Variants in MACROD2 observed in about 807,000 individuals in gnomAD.
MACROD2 encodes the protein ADP-ribose glycohydrolase MACROD2.
Under a neutral mutation model 70.4 loss-of-function variants are expected in MACROD2, and 36 were observed. The observed-to-expected ratio is 0.51, with a 90% CI of 0.39 to 0.68. The LOEUF (loss-of-function observed/expected upper bound fraction) is 0.68. Ranked by LOEUF, MACROD2 falls within the 30% of genes least tolerant of loss-of-function variation. MACROD2 has a pLI of 0.00. For missense variants in MACROD2, 496 were observed against 538.4 expected (o/e 0.92, Z 0.78); for synonymous variants, 172 against 178.8 (o/e 0.96, Z 0.30).
At chr20:14,015,026 G>A (rs1436533726) in intron 2 of MACROD2, among the ~76,000 whole-genome samples, 5 of 144,918 alleles carry the variant, frequency 3.5e-5, no homozygotes, top group African/African-American at 5.2e-5. Flanking sequence ...GGCTAGTCTC[G>A]AACTCCTGGG....
intron 3 of MACROD2, among the ~76,000 whole-genome samples, chr20:14,364,504 G>A (rs2083254163): frequency 6.6e-6 from 1 of 152,260 alleles, no homozygotes; most frequent in African/African-American, 2.4e-5. Flanking sequence ...AGCTAAGGAT[G>A]TATTCACAGT....
intron 6 of MACROD2, among the ~76,000 whole-genome samples, chr20:15,238,520 C>G (rs2077033883): frequency 6.6e-6 from 1 of 151,868 alleles, no homozygotes; most frequent in Non-Finnish European, 1.5e-5. Context: ...CAGGAGTCTA[C>G]CTTTGATTTT....
At chr20:14,084,702 G>C (rs2054054507) in intron 2 of MACROD2, among the ~76,000 whole-genome samples, 1 of 151,754 alleles carries the variant, frequency 6.6e-6, no homozygotes, top group Non-Finnish European at 1.5e-5. Flanking sequence ...TGTGTGTTGG[G>C]GTAGAGCTTT....
intron 8 of MACROD2, among the ~76,000 whole-genome samples, chr20:15,554,288 T>C (rs1478033391): frequency 2.0e-5 from 3 of 152,194 alleles, no homozygotes; most frequent in Non-Finnish European, 4.4e-5. Flanking sequence ...AGGAATTTGC[T>C]CCGGTATAGT....
intron 5 of MACROD2, among the ~76,000 whole-genome samples, chr20:15,076,329 C>A (rs1331436964): frequency 2.6e-5 from 4 of 152,044 alleles, no homozygotes; most frequent in African/African-American, 9.7e-5. Context: ...TTGTTATTAA[C>A]ACTGGTATAA....
At chr20:15,051,338 ATGTGTGTGTGTGTGTGTGTGTGTGTG>A (rs6147297) in intron 5 of MACROD2, among the ~76,000 whole-genome samples, 7,195 of 129,424 alleles carry the variant, frequency 0.056, 262 homozygotes, top group African/African-American at 0.067. Flanking sequence ...TCAGTAGGAG[ATGTGTGTGTGTGTGTGTGTGTGTGTG>A]TGTGTGTGTG....
intron 5 of MACROD2, among the ~76,000 whole-genome samples, chr20:15,200,243 G>A (rs183570973): frequency 6.6e-6 from 1 of 152,276 alleles, no homozygotes; most frequent in African/African-American, 2.4e-5. Flanking sequence ...GAATTCACTG[G>A]TGACTGATTT....
intron 3 of MACROD2, among the ~76,000 whole-genome samples, chr20:14,271,782 T>C (rs1272687866): frequency 6.6e-6 from 1 of 151,796 alleles, no homozygotes; most frequent in Non-Finnish European, 1.5e-5. Flanking sequence ...GAATAACCAA[T>C]ACAGAGAAGT....
chr20:15,487,062 C>G (rs1338010490), intron 7 of MACROD2, among the ~76,000 whole-genome samples: 4 of 152,178 alleles, frequency 2.6e-5, no homozygotes, highest in Non-Finnish European at 5.9e-5. Context: ...TTATCTCGGA[C>G]ATTCTCTTTC....
At chr20:14,855,601 T>TG (rs2122332029) in intron 5 of MACROD2, among the ~76,000 whole-genome samples, 1 of 58,848 alleles carries the variant, frequency 1.7e-5, no homozygotes, top group South Asian at 4.8e-4. Context: ...TACCAAGTTT[T>TG]TTTTTTTTTT....
intron 6 of MACROD2, among the ~76,000 whole-genome samples, chr20:15,284,228 C>T (rs886147658): frequency 2.0e-5 from 3 of 152,242 alleles, no homozygotes; most frequent in Middle Eastern, 3.4e-3. Context: ...CCTGTATCAT[C>T]GCTATGATTG....
At chr20:14,435,169 T>C (rs939989845) in intron 3 of MACROD2, among the ~76,000 whole-genome samples, 7 of 152,176 alleles carry the variant, frequency 4.6e-5, no homozygotes, top group African/African-American at 1.7e-4. Flanking sequence ...TTCCAATTTG[T>C]GGTGGCTTTC....
chr20:15,702,814 A>G (rs969635376), intron 8 of MACROD2, among the ~76,000 whole-genome samples: 1 of 152,236 alleles, frequency 6.6e-6, no homozygotes, highest in Admixed American at 6.5e-5. Flanking sequence ...AAAAACAAAA[A>G]AAGAGCCAAA....
At chr20:14,282,499 A>G (rs989022905) in intron 3 of MACROD2, among the ~76,000 whole-genome samples, 28 of 152,306 alleles carry the variant, frequency 1.8e-4, no homozygotes, top group Non-Finnish European at 5.9e-5. Flanking sequence ...GGATTCCAAA[A>G]TGAAATGTTC....
intron 5 of MACROD2, among the ~76,000 whole-genome samples, chr20:15,027,502 T>C (rs554180980): frequency 6.6e-6 from 1 of 151,808 alleles, no homozygotes; most frequent in African/African-American, 2.4e-5. Flanking sequence ...ACTTAATCTA[T>C]TTTAGCCTTA....
chr20:14,520,564 T>C (rs183613086), intron 4 of MACROD2, among the ~76,000 whole-genome samples: 43 of 152,132 alleles, frequency 2.8e-4, no homozygotes, highest in African/African-American at 9.9e-4. Flanking sequence ...AGAATTGGCA[T>C]GTTACAATCT....
At chr20:15,698,494 C>G (rs980007475) in intron 8 of MACROD2, among the ~76,000 whole-genome samples, 2 of 152,182 alleles carry the variant, frequency 1.3e-5, no homozygotes, top group Non-Finnish European at 2.9e-5. Context: ...TGCTGTCTCA[C>G]AGCTCTTAAA....
At chr20:14,634,941 G>C (rs1984706779) in intron 4 of MACROD2, among the ~76,000 whole-genome samples, 1 of 152,150 alleles carries the variant, frequency 6.6e-6, no homozygotes, top group Admixed American at 6.5e-5. Context: ...GCAATCTGCA[G>C]GGAGAACTTT....
intron 8 of MACROD2, among the ~76,000 whole-genome samples, chr20:15,587,833 C>G (rs1046945886): frequency 3.3e-5 from 5 of 152,192 alleles, no homozygotes; most frequent in African/African-American, 9.6e-5. Context: ...CAGTCTCCCT[C>G]CTGGCTGCTT....
Sources: allele counts gnomAD v4.1 joint callset (sites outside exome capture counted in the v4.1 genomes callset), GRCh38; gene constraint gnomAD v4.1.1; transcripts MANE v1.5; gene names NCBI Gene and HGNC (gene_info 2026-07-23, HGNC 2026-07-21).